The following MGRN1 variants were observed in gnomAD, a reference collection of about 807,000 sequenced individuals.
The protein encoded by MGRN1 is E3 ubiquitin-protein ligase MGRN1.
MGRN1 carries 29 observed loss-of-function variants against 69.2 expected under a neutral mutation model. The ratio of observed to expected loss-of-function variants is 0.42; its 90% CI spans 0.31 to 0.57. The LOEUF is 0.57. Ranked by LOEUF, MGRN1 falls within the 20% of genes least tolerant of loss-of-function variation. The pLI is 0.15. For synonymous variants in MGRN1, 470 were observed against 344.2 expected, an observed-to-expected ratio of 1.37 and a Z score of -4.04; for missense variants, 998 against 796.2, an observed-to-expected ratio of 1.25 and a Z score of -3.05.
intron 3 of MGRN1, 123 bp downstream of exon 3, chr16:4,652,174 T>C: frequency 1.1e-6 from 1 of 870,502 alleles, no homozygotes. Flanking sequence ...CGCCCTCCCG[T>C]GTGGAATGAG....
chr16:4,647,686 C>T (rs1441656255), intron 1 of MGRN1, among the ~76,000 whole-genome samples: 1 of 152,342 alleles, frequency 6.6e-6, no homozygotes, highest in Non-Finnish European at 1.5e-5. Flanking sequence ...GTGACTCGCT[C>T]CACATCGGTA....
intron 1 of MGRN1, among the ~76,000 whole-genome samples, chr16:4,646,421 T>TGAA (rs1567184825): frequency 7.1e-6 from 1 of 141,310 alleles, no homozygotes; most frequent in African/African-American, 3.0e-5. Context: ...AGACCCTGTC[T>TGAA]CAAAAAAAAA....
intron 1 of MGRN1, among the ~76,000 whole-genome samples, chr16:4,625,256 G>A (rs1301074236): frequency 3.3e-5 from 5 of 152,192 alleles, no homozygotes; most frequent in Non-Finnish European, 5.9e-5. Context: ...ACCTGGCGCT[G>A]CTACTGCCCG....
intron 1 of MGRN1, among the ~76,000 whole-genome samples, chr16:4,641,738 C>T (rs1596267672): frequency 6.6e-6 from 1 of 151,944 alleles, no homozygotes; most frequent in Non-Finnish European, 1.5e-5. Context: ...AGGCTGGTCT[C>T]GAACTCCCAA....
At chr16:4,684,587 G>A (rs185972148) in intron 16 of MGRN1, among the ~76,000 whole-genome samples, 2 of 152,370 alleles carry the variant, frequency 1.3e-5, no homozygotes, top group Admixed American at 1.3e-4. Context: ...AGGCAGCAAG[G>A]CTGGGACAGA....
At chr16:4,686,350 T>A in intron 16 of MGRN1, 1 of 1,536,302 alleles carries the variant, frequency 6.5e-7, no homozygotes, top group Non-Finnish European at 8.7e-7. Flanking sequence ...CGCGCGTCCT[T>A]GGAGAGAGGA....
chr16:4,671,193 C>A, intron 8 of MGRN1, 198 bp from the exon 9 acceptor site: 1 of 603,738 alleles, frequency 1.7e-6, no homozygotes, highest in East Asian at 2.8e-5. Context: ...CGGCTCCAGC[C>A]CTGTTCCAGG....
chr16:4,684,629 G>C (rs555497204), intron 16 of MGRN1, among the ~76,000 whole-genome samples: 5 of 152,250 alleles, frequency 3.3e-5, no homozygotes, highest in African/African-American at 1.2e-4. Flanking sequence ...CCGGAGGCTC[G>C]GGCCCCAGAC....
At chr16:4,660,192 C>CT (rs1263715789) in intron 5 of MGRN1, among the ~76,000 whole-genome samples, 1 of 152,230 alleles carries the variant, frequency 6.6e-6, no homozygotes, top group Non-Finnish European at 1.5e-5. Context: ...TGGGGGCCCA[C>CT]TTTCGTTCTG....
At chr16:4,683,067 G>C in intron 14 of MGRN1, 121 bp downstream of exon 14, 1 of 1,475,786 alleles carries the variant, frequency 6.8e-7, no homozygotes, top group South Asian at 1.3e-5. Context: ...GTTGGCTCTT[G>C]CTGAGCTGCG....
intron 1 of MGRN1, chr16:4,650,055 A>C (rs744156): frequency 0.076 from 16,702 of 219,996 alleles, 1,289 homozygotes; most frequent in African/African-American, 0.22. Flanking sequence ...GTAATCCCAG[A>C]ACCTTGGGAG....
intron 1 of MGRN1, among the ~76,000 whole-genome samples, chr16:4,628,969 T>G (rs754670056): frequency 7.2e-5 from 11 of 152,274 alleles, no homozygotes; most frequent in Non-Finnish European, 1.3e-4. Flanking sequence ...CCCAAGTAGC[T>G]GGGATTATAG....
chr16:4,632,383 T>C (rs1411835840), intron 1 of MGRN1, among the ~76,000 whole-genome samples: 3 of 151,480 alleles, frequency 2.0e-5, no homozygotes, highest in African/African-American at 7.3e-5. Context: ...TCTAGTCCAG[T>C]GGTTTTTTTT....
chr16:4,671,464 G>T lies in MGRN1; in HGVS notation c.795+5G>T, dbSNP rs777436635. On this transcript the variant is annotated splice_donor_5th_base_variant and intron_variant, in intron 9 of 16. Transcript: ENST00000262370. ...AAGAACAACCAGGAGACCAAGGTGT[G>T]TATCTGGGTGAGGTTTCCCTCTGCC... The T allele has an allele frequency of 5.6e-6, 9 of 1,613,658 alleles. No homozygotes were observed. Among genetic ancestry groups the T allele is most frequent in the Non-Finnish European group, 7.6e-6 (9 of 1,179,692 alleles).
chr16:4,654,446 TCAG>T (rs1433651612), intron 4 of MGRN1, among the ~76,000 whole-genome samples: 1 of 152,244 alleles, frequency 6.6e-6, no homozygotes, highest in Non-Finnish European at 1.5e-5. Context: ...AACTGCAACT[TCAG>T]CAGGAGCTGG....
intron 5 of MGRN1, among the ~76,000 whole-genome samples, chr16:4,658,544 A>G (rs1287762720): frequency 6.6e-6 from 1 of 150,994 alleles, no homozygotes; most frequent in African/African-American, 2.4e-5. Context: ...TCAGAAAAAA[A>G]AAAAACAATG....
At chr16:4,658,310 C>T (rs898820590) in intron 5 of MGRN1, among the ~76,000 whole-genome samples, 6 of 148,202 alleles carry the variant, frequency 4.0e-5, no homozygotes, top group African/African-American at 9.9e-5. Flanking sequence ...CCGAGGCAGG[C>T]GGATCACGAG....
chr16:4,632,051 G>C (rs1450813791), intron 1 of MGRN1, among the ~76,000 whole-genome samples: 2 of 90,836 alleles, frequency 2.2e-5, no homozygotes, highest in East Asian at 7.6e-4. Context: ...TCTTGCTCTT[G>C]TCACCCAGGC....
chr16:4,683,803 C>T, intron 15 of MGRN1, 40 bp from the exon 16 acceptor site: 4 of 1,580,094 alleles, frequency 2.5e-6, no homozygotes, highest in African/African-American at 1.3e-5. Flanking sequence ...CGGGACCTGG[C>T]CCCTGCCTGT....
Sources: allele counts gnomAD v4.1 joint callset (sites outside exome capture counted in the v4.1 genomes callset), GRCh38; gene constraint gnomAD v4.1.1; transcripts MANE v1.5; gene names NCBI Gene and HGNC (gene_info 2026-07-23, HGNC 2026-07-21).